Variants in ADGRA3 observed in about 807,000 individuals in gnomAD.
The protein encoded by ADGRA3 is adhesion G protein-coupled receptor A3.
A neutral mutation model predicts 119.8 loss-of-function variants in ADGRA3; 56 were observed. That is an observed-to-expected ratio of 0.47 (90% CI 0.38 to 0.58). ADGRA3 has a LOEUF of 0.58. Among genes scored for constraint, ADGRA3 ranks in the 20% least tolerant of loss-of-function variants. ADGRA3 has a pLI of 0.00. For missense variants in ADGRA3, 1,516 were observed against 1,649.0 expected, an observed-to-expected ratio of 0.92 and a Z score of 1.40; for synonymous variants, 607 against 623.8, an observed-to-expected ratio of 0.97 and a Z score of 0.40.
chr4:22,489,392 T>C (rs1245049276), intron 1 of ADGRA3, among the ~76,000 whole-genome samples: 2 of 152,306 alleles, frequency 1.3e-5, no homozygotes, highest in East Asian at 1.9e-4. Context: ...ATTTTGGGTA[T>C]AGATCATGAT....
At chr4:22,426,578 T>C (rs917382468) in intron 10 of ADGRA3, among the ~76,000 whole-genome samples, 25 of 152,202 alleles carry the variant, frequency 1.6e-4, no homozygotes, top group African/African-American at 5.3e-4. Flanking sequence ...CCTTATAGTC[T>C]GGTGAAGAAA....
chr4:22,458,195 T>A (rs961331536), intron 3 of ADGRA3, among the ~76,000 whole-genome samples: 16 of 152,040 alleles, frequency 1.1e-4, no homozygotes, highest in African/African-American at 3.9e-4. Flanking sequence ...ACTTTTGCTT[T>A]CTACTTGAGG....
Position 22,447,950 on chromosome 4 carries a change from T to C in ADGRA3, c.474-439A>G, listed in dbSNP as rs565265254. 1.8e-4 allele frequency among the ~76,000 whole-genome samples: 27 copies of C among 152,278 alleles called. No individual in the cohort carries two copies. The South Asian group carries it at 4.8e-3, about 27-fold the overall frequency. On this transcript the variant is annotated intron_variant, in intron 4 of 18. Transcript: ENST00000334304. ...GCCTCAATGATCAGCAGCAGTAGCA[T>C]ACTAAACATGACTGAAAATATGAGG...
chr4:22,391,483 G>T (rs1288498009), intron 17 of ADGRA3, among the ~76,000 whole-genome samples: 1 of 152,126 alleles, frequency 6.6e-6, no homozygotes, highest in Non-Finnish European at 1.5e-5. Context: ...TAGAGAAACT[G>T]CCTCAAGCCT....
intron 1 of ADGRA3, among the ~76,000 whole-genome samples, chr4:22,483,210 C>A (rs1018027919): frequency 1.7e-4 from 26 of 152,138 alleles, no homozygotes; most frequent in African/African-American, 6.3e-4. Context: ...AGTAATTCCC[C>A]CTAGTAAACA....
chr4:22,478,307 G>A (rs1282092175), intron 1 of ADGRA3: 2 of 152,224 alleles, frequency 1.3e-5, no homozygotes, highest in Non-Finnish European at 2.9e-5. Flanking sequence ...TGGAGCAGAA[G>A]AAATAAAAAT....
At chr4:22,432,941 C>T (rs1446568101) in intron 10 of ADGRA3, among the ~76,000 whole-genome samples, 3 of 152,170 alleles carry the variant, frequency 2.0e-5, no homozygotes, top group Non-Finnish European at 4.4e-5. Flanking sequence ...TCTATCTAAG[C>T]TAGGTGCATT....
intron 6 of ADGRA3, chr4:22,443,199 C>A: frequency 1.7e-6 from 1 of 603,220 alleles, no homozygotes. Flanking sequence ...TTGATATTTA[C>A]AACTTTAAAA....
chr4:22,393,009 ATACAT>A (rs1266154555), intron 16 of ADGRA3: 3 of 204,260 alleles, frequency 1.5e-5, no homozygotes, highest in Non-Finnish European at 2.9e-5. Flanking sequence ...ATGTGACATT[ATACAT>A]TAGAGTTCAT....
In ADGRA3 at chr4:22,413,538, G is replaced by A. The variant is rs185017585; in HGVS notation, c.2023+63C>T. ...AAAACACTAAAATAAGCATTTTTAG[G>A]AACAGTCAACTACAAGGCCTTATTG... On this transcript the variant is annotated intron_variant, in intron 13 of 18. Coordinates refer to ENST00000334304, the MANE Select transcript of ADGRA3 (RefSeq NM_145290.4). 440 of 1,477,422 alleles carry A rather than the reference G, an allele frequency of 3.0e-4. 9 individuals carry two copies. In the East Asian group the frequency reaches 9.8e-3, roughly 33 times the overall value. 91.5% of individuals were successfully genotyped at this position (1,477,422 alleles called of 1,614,324 possible). A position where few individuals can be genotyped will look rare whatever the true frequency, so the allele number is the denominator to read the frequency against.
chr4:22,483,922 C>T (rs1010688165), intron 1 of ADGRA3, among the ~76,000 whole-genome samples: 1 of 152,146 alleles, frequency 6.6e-6, no homozygotes, highest in African/African-American at 2.4e-5. Flanking sequence ...AAGCAGGTCA[C>T]AACTGGTAAG....
chr4:22,387,480 T>C lies in ADGRA3; in HGVS notation c.*225A>G, dbSNP rs889476299. ...ACATTTCACATCCCAAAATGTCCTG[T>C]TGGTGCTTTGACAACTAAAACAATG... is the stretch of plus-strand genomic sequence containing the variant. On this transcript the variant is annotated 3_prime_UTR_variant, in exon 19 of 19. Transcript: ENST00000334304. 1 of 444,890 alleles carries C rather than the reference T, an allele frequency of 2.2e-6. No homozygotes were observed. The highest frequency in any genetic ancestry group is 4.0e-6 in the Non-Finnish European group (1 of 251,052). The allele number at this position is 444,890 out of a possible 1,614,324, so 27.6% of individuals were successfully genotyped here.
intron 1 of ADGRA3, among the ~76,000 whole-genome samples, chr4:22,513,660 C>T (rs1446304770): frequency 2.0e-5 from 3 of 151,418 alleles, no homozygotes; most frequent in East Asian, 1.9e-4. Flanking sequence ...GACAGGCATA[C>T]GCCACTACGC....
chr4:22,416,894 C>T (rs1715452269), intron 12 of ADGRA3, among the ~76,000 whole-genome samples: 1 of 152,098 alleles, frequency 6.6e-6, no homozygotes, highest in Admixed American at 6.6e-5. Context: ...AATACTTTCA[C>T]TACATCTTAA....
At chr4:22,396,806 A>C (rs1714374811) in intron 16 of ADGRA3, among the ~76,000 whole-genome samples, 1 of 152,186 alleles carries the variant, frequency 6.6e-6, no homozygotes, top group African/African-American at 2.4e-5. Context: ...TTTGTTCTTG[A>C]AGCCCTAAAA....
chr4:22,387,992 A>G lies in ADGRA3; in HGVS notation c.3679T>C (p.Tyr1227His), dbSNP rs1195892800. Residue 1227 changes from tyrosine (Y) to histidine (H), a missense_variant, in exon 19 of 19, where the codon TAC becomes CAC. By Grantham distance (83) the Tyr-to-His change is moderately conservative. Around this residue, in one of 2 missense-constraint regions of ADGRA3, gnomAD observed 1,088 missense variants for 1,107.1 expected, o/e 0.98. Coordinates refer to ENST00000334304, the MANE Select transcript of ADGRA3 (RefSeq NM_145290.4). ...GGTGGGTTGTACTGTCTCTCTCTGT[A>G]GGCTAAATAAGCTCTTCGGCTCCTC... Reference protein sequence around the residue: ...HSRSRRAYLAYRERQYNPPQQ... With the variant: ...HSRSRRAYLAHRERQYNPPQQ... 16 of 1,614,014 alleles carry G rather than the reference A, an allele frequency of 9.9e-6. No individual in the cohort carries two copies. Among genetic ancestry groups the G allele is most frequent in the Non-Finnish European group, 1.2e-5 (14 of 1,180,014 alleles).
chr4:22,495,384 G>A (rs1718781294), intron 1 of ADGRA3, among the ~76,000 whole-genome samples: 1 of 151,984 alleles, frequency 6.6e-6, no homozygotes, highest in Non-Finnish European at 1.5e-5. Flanking sequence ...GCAATCTGGT[G>A]AAACCCCATC....
chr4:22,407,145 C>G (rs1714975767), intron 14 of ADGRA3, among the ~76,000 whole-genome samples: 1 of 152,148 alleles, frequency 6.6e-6, no homozygotes, highest in Non-Finnish European at 1.5e-5. Flanking sequence ...GTGGTGGGTG[C>G]CTGTAGTCCC....
At chr4:22,428,171 T>C (rs893403650) in intron 10 of ADGRA3, among the ~76,000 whole-genome samples, 2 of 152,166 alleles carry the variant, frequency 1.3e-5, no homozygotes, top group African/African-American at 2.4e-5. Context: ...TCTTTAACAC[T>C]GAAGACATAA....
Sources: gnomAD v4.1 joint callset for allele counts (sites outside exome capture counted in the v4.1 genomes callset) on GRCh38, gnomAD v4.1.1 for gene constraint, gnomAD v4.1.1 regional missense constraint, MANE v1.5 for transcripts, NCBI Gene and HGNC (gene_info 2026-07-23, HGNC 2026-07-21) for gene names.